NBAS: variants seen among roughly 807,000 people sequenced by gnomAD.
NBAS encodes the protein NAG/BC035112 fusion.
In NBAS, 219 loss-of-function variants were observed where a neutral mutation model predicts 302.5. The ratio of observed to expected loss-of-function variants is 0.72; its 90% CI spans 0.65 to 0.81. NBAS has a LOEUF of 0.81. NBAS is among the 30% of genes least tolerant of loss of function. The pLI is 0.00. For missense variants in NBAS, 2,932 were observed against 2,841.6 expected, an observed-to-expected ratio of 1.03 and a Z score of -0.72; for synonymous variants, 1,118 against 1,021.6, an observed-to-expected ratio of 1.09 and a Z score of -1.80.
chr2:15,489,087 AT>A, intron 11 of NBAS, 65 bp from the exon 12 acceptor site: 1 of 1,568,606 alleles, frequency 6.4e-7, no homozygotes, highest in South Asian at 1.1e-5. Flanking sequence ...TCAGAAGTAA[AT>A]GACACTCTTT....
chr2:15,445,412 T>A (rs1678676948), intron 21 of NBAS, among the ~76,000 whole-genome samples: 1 of 147,794 alleles, frequency 6.8e-6, no homozygotes, highest in Non-Finnish European at 1.5e-5. Flanking sequence ...AGAACAAAAA[T>A]CCAAACACCG....
chr2:14,983,682 A>T, the NBAS span, among the ~76,000 whole-genome samples: 1 of 152,360 alleles, frequency 6.6e-6, no homozygotes, highest in Non-Finnish European at 1.5e-5. Context: ...AATAACTGCC[A>T]AATTATCTAC....
chr2:15,078,995 C>A, the NBAS span, among the ~76,000 whole-genome samples: 6 of 152,074 alleles, frequency 3.9e-5, no homozygotes, highest in Non-Finnish European at 8.8e-5. Context: ...TCAAGCTCTG[C>A]AAAATAGAAA....
the NBAS span, among the ~76,000 whole-genome samples, chr2:14,963,589 T>C: frequency 6.6e-6 from 1 of 152,334 alleles, no homozygotes; most frequent in Admixed American, 6.5e-5. Flanking sequence ...TTCTGGTGCA[T>C]GCTAGGCAGA....
chr2:14,961,065 G>A, the NBAS span, among the ~76,000 whole-genome samples: 1 of 152,028 alleles, frequency 6.6e-6, no homozygotes, highest in East Asian at 1.9e-4. Flanking sequence ...CAGCTGGCCT[G>A]GAATTCCTCT....
chr2:15,051,452 T>C, the NBAS span, among the ~76,000 whole-genome samples: 1 of 152,202 alleles, frequency 6.6e-6, no homozygotes, highest in South Asian at 2.1e-4. Flanking sequence ...CACACCTGTT[T>C]GTACATTCCA....
chr2:14,916,746 G>C, the NBAS span, among the ~76,000 whole-genome samples: 4 of 152,166 alleles, frequency 2.6e-5, no homozygotes, highest in Non-Finnish European at 5.9e-5. Context: ...TGTTGTCTCA[G>C]AAGATGCCTC....
At chr2:15,065,136 T>C in the NBAS span, among the ~76,000 whole-genome samples, 1 of 152,136 alleles carries the variant, frequency 6.6e-6, no homozygotes, top group African/African-American at 2.4e-5. Context: ...AGTACAAATA[T>C]GTTGATTCTT....
intron 44 of NBAS, among the ~76,000 whole-genome samples, chr2:15,242,730 A>C (rs923300769): frequency 6.6e-6 from 1 of 151,952 alleles, no homozygotes; most frequent in Non-Finnish European, 1.5e-5. Flanking sequence ...CAGCATTAAC[A>C]TGTCATTCAT....
At chr2:14,930,046 T>C in the NBAS span, among the ~76,000 whole-genome samples, 5 of 152,200 alleles carry the variant, frequency 3.3e-5, no homozygotes, top group Admixed American at 2.6e-4. Context: ...TCTGCCACGA[T>C]TGTAAGTTTC....
At chr2:15,233,822 T>C (rs1343961958) in intron 46 of NBAS, among the ~76,000 whole-genome samples, 1 of 152,180 alleles carries the variant, frequency 6.6e-6, no homozygotes, top group Non-Finnish European at 1.5e-5. Flanking sequence ...AAAACTGACA[T>C]GCATTTAATC....
the NBAS span, among the ~76,000 whole-genome samples, chr2:14,873,840 T>C: frequency 6.0e-5 from 8 of 133,904 alleles, no homozygotes; most frequent in South Asian, 1.7e-3. Flanking sequence ...TATATTGCAT[T>C]ACATTTTTTT....
intron 42 of NBAS, among the ~76,000 whole-genome samples, chr2:15,278,004 G>A (rs1558497493): frequency 1.3e-5 from 2 of 152,124 alleles, no homozygotes; most frequent in African/African-American, 2.4e-5. Flanking sequence ...GTTCTCGGAA[G>A]CAGCAACAGA....
chr2:15,434,156 C>CA (rs1677896836), intron 21 of NBAS, among the ~76,000 whole-genome samples: 1 of 151,644 alleles, frequency 6.6e-6, no homozygotes. Context: ...AATAACTTCC[C>CA]AAAAAAGTCA....
rs184663562 is a variant in NBAS at position 15,548,899 on chromosome 2, T to C, written c.379+2594A>G. On this transcript the variant is annotated intron_variant, in intron 6 of 51. Transcript: ENST00000281513. Reference sequence around the variant, plus strand: ...GGGGTTAGAAAATTGCACACTGTTTTGTACTAGAACATAAGACATATAGCA... The same window carrying C: ...GGGGTTAGAAAATTGCACACTGTTTCGTACTAGAACATAAGACATATAGCA... Among the ~76,000 whole-genome samples the C allele has an allele frequency of 2.8e-4, 43 of 152,264 alleles. No homozygotes were observed. In the East Asian group the frequency reaches 5.8e-3, roughly 20 times the overall value.
the NBAS span, among the ~76,000 whole-genome samples, chr2:14,822,509 C>T: frequency 0.57 from 86,105 of 151,964 alleles, 26,649 homozygotes; most frequent in African/African-American, 0.84. Context: ...TGGCCTATGG[C>T]TTTTGTATAC....
chr2:14,946,894 TG>T, the NBAS span, among the ~76,000 whole-genome samples: 1 of 152,140 alleles, frequency 6.6e-6, no homozygotes, highest in Non-Finnish European at 1.5e-5. Context: ...CACATACACA[TG>T]GAAGTTAAAT....
At chr2:15,539,175 T>A (rs375569819) in intron 7 of NBAS, 48 bp downstream of exon 7, 23 of 1,610,632 alleles carry the variant, frequency 1.4e-5, no homozygotes, top group Non-Finnish European at 1.9e-5. Flanking sequence ...TACCTATACA[T>A]ACATGACATT....
the NBAS span, among the ~76,000 whole-genome samples, chr2:14,903,687 A>T: frequency 6.6e-6 from 1 of 152,238 alleles, no homozygotes; most frequent in Non-Finnish European, 1.5e-5. Context: ...TTAGTACAAA[A>T]ACCACACAAC....
Sources: allele counts gnomAD v4.1 joint callset (sites outside exome capture counted in the v4.1 genomes callset), GRCh38; gene constraint gnomAD v4.1.1; transcripts MANE v1.5; gene names NCBI Gene and HGNC (gene_info 2026-07-23, HGNC 2026-07-21).